The following TBC1D17 variants were observed in gnomAD, a reference collection of about 807,000 sequenced individuals.
The protein encoded by TBC1D17 is TBC1 domain family, member 17.
In TBC1D17, 69 loss-of-function variants were observed where a neutral mutation model predicts 78.8. The ratio of observed to expected loss-of-function variants is 0.88; its 90% CI spans 0.72 to 1.07. TBC1D17 has a LOEUF of 1.07. TBC1D17 is among the 50% of genes least tolerant of loss of function. The pLI, the probability that TBC1D17 is intolerant of heterozygous loss-of-function variation, is 0.00. For missense variants in TBC1D17, 957 were observed against 861.0 expected (o/e 1.11, Z -1.39); for synonymous variants, 456 against 358.3 (o/e 1.27, Z -3.08).
chr19:49,880,660 G>C (rs1041993592), intron 4 of TBC1D17, among the ~76,000 whole-genome samples: 14 of 152,228 alleles, frequency 9.2e-5, no homozygotes, highest in Non-Finnish European at 1.9e-4. Context: ...TCCCACACCA[G>C]GCCTGCCCCT....
At chr19:49,883,844 T>G (rs1249697913) in intron 10 of TBC1D17, 99 bp downstream of exon 10, 2 of 1,038,298 alleles carry the variant, frequency 1.9e-6, no homozygotes, top group African/African-American at 3.1e-5. Flanking sequence ...GCCCCCTGCC[T>G]CCCCAAGACC....
In TBC1D17 at chr19:49,887,795, C is replaced by T; in HGVS notation, c.1620C>T (p.Thr540=). Residue 540 remains threonine (T), a synonymous_variant, in exon 15 of 17, where the codon ACC becomes ACT. Coordinates refer to ENST00000221543, the MANE Select transcript of TBC1D17 (RefSeq NM_024682.3). ...CCATCCTGGACATGGAGAGGGACAC[C>T]CTCATGCTGTCCGGCTTCGGCTCCA... The part of the protein sequence containing the change: ...ACAILDMERD[T]LMLSGFGSNE... The T allele has an allele frequency of 1.2e-6, 2 of 1,612,508 alleles. No individual in the cohort carries two copies. Among genetic ancestry groups the T allele is most frequent in the Non-Finnish European group, 1.7e-6 (2 of 1,179,582 alleles).
intron 13 of TBC1D17, among the ~76,000 whole-genome samples, chr19:49,885,915 C>T (rs1422126402): frequency 7.2e-6 from 1 of 139,854 alleles, no homozygotes; most frequent in Non-Finnish European, 1.5e-5. Context: ...GGGGAGGTAG[C>T]AGTGAGCAGA....
chr19:49,887,424 C>T lies in TBC1D17; in HGVS notation c.1445-52C>T. The T allele has an allele frequency of 4.5e-6, 7 of 1,566,280 alleles. No homozygotes were observed. The South Asian group carries it at 7.9e-5, about 18-fold the overall frequency. ...CTTCCAGTCAGGATGACTTCTCAAA[C>T]TCTCAGTCCCAGCGCTGGGCAAGGC... On this transcript the variant is annotated intron_variant, in intron 13 of 16. Transcript: ENST00000221543.
intron 10 of TBC1D17, 77 bp downstream of exon 10, chr19:49,883,822 G>C: frequency 8.0e-7 from 1 of 1,253,492 alleles, no homozygotes; most frequent in Non-Finnish European, 1.2e-6. Flanking sequence ...GTGCGAGTGG[G>C]AGATAGAGGG....
chr19:49,877,783 C>A, intron 1 of TBC1D17, 39 bp downstream of exon 1: 1 of 1,567,152 alleles, frequency 6.4e-7, no homozygotes, highest in Non-Finnish European at 8.7e-7. Context: ...TCAGTGTATG[C>A]GAAACGCCCC....
rs1410887751 is a variant in TBC1D17, at chr19:49,881,253, G to A, written c.320-15G>A. The A allele has an allele frequency of 6.2e-7, 1 of 1,608,804 alleles. No individual in the cohort carries two copies. The highest frequency in any genetic ancestry group is 8.5e-7 in the Non-Finnish European group (1 of 1,177,082). On this transcript the variant is annotated splice_polypyrimidine_tract_variant and intron_variant, in intron 4 of 16. Coordinates refer to ENST00000221543, the MANE Select transcript of TBC1D17 (RefSeq NM_024682.3). ...CTTCCCACGCGCTTCCCCCAACACA[G>A]TGCCGTCTCCCTAGGTGCAGAGCCC...
At position 49,884,317 on chromosome 19, in the gene TBC1D17, G is replaced by A; in HGVS notation, c.1191G>A (p.Leu397=). ...KFYEGPENPG[L]GLLNDILLTY... ...ACGAGGGTCCCGAGAACCCGGGGCT[G>A]GGCCTGCTGAACGATATCCTCCTCA... The change falls in exon 11 of 17, where the codon CTG becomes CTA. Residue 397 remains leucine (L), a synonymous_variant. Coordinates refer to ENST00000221543, the MANE Select transcript of TBC1D17 (RefSeq NM_024682.3). 5.6e-6 allele frequency: 9 copies of A among 1,614,052 alleles called. No homozygotes were observed. The highest frequency in any genetic ancestry group is 1.3e-5 in the African/African-American group (1 of 75,034).
chr19:49,882,975 TC>T lies in TBC1D17; in HGVS notation c.931del (p.Leu311Ter). On this transcript the variant is annotated frameshift_variant, in exon 9 of 17. Transcript: ENST00000221543. LOFTEE classifies it high-confidence loss of function. ...TGCCTGCCCTCCTGCACCCCCAGGGTCTGAGCCCCAGCCTGCGGCGCGAGGC... is the reference window on the plus strand; with the variant it reads ...TGCCTGCCCTCCTGCACCCCCAGGGTTGAGCCCCAGCCTGCGGCGCGAGGC... ...ELKNRIFSGG[L>X]SPSLRREAWK... The T allele has an allele frequency of 6.2e-7, 1 of 1,608,732 alleles. No individual in the cohort carries two copies. The highest frequency in any genetic ancestry group is 8.5e-7 in the Non-Finnish European group (1 of 1,177,412).
intron 9 of TBC1D17, among the ~76,000 whole-genome samples, chr19:49,883,448 A>G (rs1440241010): frequency 1.3e-5 from 2 of 152,168 alleles, no homozygotes; most frequent in Non-Finnish European, 2.9e-5. Context: ...ATTTTCATCA[A>G]AAGGCCACAA....
chr19:49,884,139 A>T lies in TBC1D17; in HGVS notation c.1127-114A>T, dbSNP rs566919850. On this transcript the variant is annotated intron_variant, in intron 10 of 16. Transcript: ENST00000221543. The stretch of plus-strand genomic sequence containing the variant: ...CAGCTCTGCTTCTCCCCCAGAGCAA[A>T]CCCCGAGGCTGGGGGCTGCCAGCAG... The T allele has an allele frequency of 1.9e-4, 178 of 950,736 alleles. No homozygotes were observed. In the African/African-American group the frequency reaches 2.7e-3, roughly 14 times the overall value. The allele number at this position is 950,736 out of a possible 1,614,324, so 58.9% of individuals were successfully genotyped here. A position where few individuals can be genotyped will look rare whatever the true frequency, so the allele number is the denominator to read the frequency against.
chr19:49,888,040 A>G lies in TBC1D17; in HGVS notation c.1660-191A>G. ...AGGTCCTCCGGGCAGGTGGGTGGGG[A>G]CCTTCCCTCCCCGAGTACGTGCTCA... On this transcript the variant is annotated intron_variant, in intron 15 of 16. Coordinates refer to ENST00000221543, the MANE Select transcript of TBC1D17 (RefSeq NM_024682.3). 10 of 1,048,598 alleles carry G rather than the reference A, an allele frequency of 9.5e-6. No homozygotes were observed. In the South Asian group the frequency reaches 1.6e-4, roughly 16 times the overall value. 65.0% of individuals were successfully genotyped at this position (1,048,598 alleles called of 1,614,324 possible). A position where few individuals can be genotyped will look rare whatever the true frequency, so the allele number is the denominator to read the frequency against.
chr19:49,884,720 T>C lies in TBC1D17; in HGVS notation c.1406T>C (p.Leu469Pro). 6.2e-7 allele frequency: 1 copy of C among 1,614,058 alleles called. No individual in the cohort carries two copies. Among genetic ancestry groups the C allele is most frequent in the Non-Finnish European group, 8.5e-7 (1 of 1,180,016 alleles). Residue 469 changes from leucine (L) to proline (P), a missense_variant, in exon 13 of 17, where the codon CTC becomes CCC. By Grantham distance (98) the Leu-to-Pro change is moderately conservative (BLOSUM62 -3). Coordinates refer to ENST00000221543, the MANE Select transcript of TBC1D17 (RefSeq NM_024682.3). ...CGGCAACTCGGGCGACTGCTGCTGC[T>C]CCTGAGGGTGCTGGACCCCCTGCTC... The part of the protein sequence containing the change: ...MKRQLGRLLL[L>P]LRVLDPLLCD...
intron 15 of TBC1D17, 136 bp downstream of exon 15, chr19:49,887,970 C>T (rs2075075451): frequency 1.1e-6 from 1 of 924,886 alleles, no homozygotes; most frequent in East Asian, 2.6e-5. Flanking sequence ...GGGGGTGGGG[C>T]CGCGTAGGTT....
At chr19:49,887,955 G>T in intron 15 of TBC1D17, 121 bp downstream of exon 15, 1 of 990,826 alleles carries the variant, frequency 1.0e-6, no homozygotes. Flanking sequence ...AGTTGGGAGC[G>T]CAGTGGGGGT....
chr19:49,882,368 G>A lies in TBC1D17; in HGVS notation c.766G>A (p.Glu256Lys). 2 of 1,608,932 alleles carry A rather than the reference G, an allele frequency of 1.2e-6. No individual in the cohort carries two copies. Among genetic ancestry groups the A allele is most frequent in the East Asian group, 2.2e-5 (1 of 44,890 alleles). ...CGACCTTCCCCCGCCACCCGACGAT[G>A]AGCCCGAGCCTGGATTCGAGGTCAT... The part of the protein sequence containing the change: ...ASDLPPPPDD[E>K]PEPGFEVISC... Residue 256 changes from glutamate (E) to lysine (K), a missense_variant, in exon 7 of 17, where the codon GAG becomes AAG. Glu to Lys is a moderately conservative substitution (Grantham distance 56). Coordinates refer to ENST00000221543, the MANE Select transcript of TBC1D17 (RefSeq NM_024682.3).
intron 5 of TBC1D17, 21 bp downstream of exon 5, chr19:49,881,496 G>T: frequency 6.2e-7 from 1 of 1,602,486 alleles, no homozygotes. Flanking sequence ...TCCCAGTGCT[G>T]GGCCTTAAAC....
At chr19:49,887,608 G>A in intron 14 of TBC1D17, 35 bp downstream of exon 14, 1 of 1,612,736 alleles carries the variant, frequency 6.2e-7, no homozygotes, top group Admixed American at 1.7e-5. Context: ...GGCCTGAAGG[G>A]GTGGGCTCAC....
At position 49,887,324 on chromosome 19, in the gene TBC1D17, G is replaced by C. The variant is rs185991794; in HGVS notation, c.1445-152G>C. On this transcript the variant is annotated intron_variant, in intron 13 of 16. Transcript: ENST00000221543. ...GGGAGGAAGGAGGGGCAGGGCCCGCGTTCAGGGCTGCTCCTGCCTCACCTC... is the reference window on the plus strand; with the variant it reads ...GGGAGGAAGGAGGGGCAGGGCCCGCCTTCAGGGCTGCTCCTGCCTCACCTC... The C allele has an allele frequency of 3.1e-5, 22 of 706,140 alleles. No homozygotes were observed. In the African/African-American group the frequency reaches 3.3e-4, roughly 11 times the overall value. The allele number at this position is 706,140 out of a possible 1,614,324, so 43.7% of individuals were successfully genotyped here.
Sources: gnomAD v4.1 joint callset for allele counts (sites outside exome capture counted in the v4.1 genomes callset) on GRCh38, gnomAD v4.1.1 for gene constraint, MANE v1.5 for transcripts, NCBI Gene and HGNC (gene_info 2026-07-23, HGNC 2026-07-21) for gene names.